The following AP3B2 variants were observed in gnomAD, a reference collection of about 807,000 sequenced individuals.
AP3B2 encodes adaptor related protein complex 3 subunit beta 2, also known as AP-3 complex subunit beta-2.
A neutral mutation model predicts 126.9 loss-of-function variants in AP3B2; 50 were observed. That is an observed-to-expected ratio of 0.39 (90% CI 0.31 to 0.50). The LOEUF is 0.50. AP3B2 is among the 20% of genes least tolerant of loss of function. The pLI, the probability that AP3B2 is intolerant of heterozygous loss-of-function variation, is 0.79. For synonymous variants in AP3B2, 541 were observed against 565.0 expected (o/e 0.96, Z 0.60); for missense variants, 1,177 against 1,426.4 (o/e 0.83, Z 2.82).
In AP3B2 at chr15:82,709,692, G is replaced by A; in HGVS notation, c.15C>T (p.Pro5=). Residue 5 remains proline, a synonymous_variant, in exon 1 of 27, where the codon CCC becomes CCT. Transcript: ENST00000535359. The part of the protein sequence containing the change: MSAA[P]AYSEDKGGSA... ...AGCCGCCCTTGTCTTCGCTGTAGGC[G>A]GGGGCGGCCGACATGGGGCGGCCAG... 2 of 1,494,620 alleles carry A rather than the reference G, an allele frequency of 1.3e-6. No individual in the cohort carries two copies. The highest frequency in any genetic ancestry group is 2.5e-5 in the South Asian group (2 of 80,086). 92.6% of individuals were successfully genotyped at this position (1,494,620 alleles called of 1,614,324 possible). A position where few individuals can be genotyped will look rare whatever the true frequency, so the allele number is the denominator to read the frequency against.
At chr15:82,690,858 G>A (rs1447034086) in intron 1 of AP3B2, among the ~76,000 whole-genome samples, 9 of 149,170 alleles carry the variant, frequency 6.0e-5, no homozygotes, top group South Asian at 2.1e-4. Flanking sequence ...GGGTTTCACC[G>A]TGTTAGCCAG....
Position 82,664,325 on chromosome 15 carries a change from C to A in AP3B2, c.2261+42G>T. 6.2e-7 allele frequency: 1 copy of A among 1,612,430 alleles called. No homozygotes were observed. The highest frequency in any genetic ancestry group is 1.1e-5 in the South Asian group (1 of 91,026). On this transcript the variant is annotated intron_variant, in intron 19 of 26. Transcript: ENST00000535359. This position sits in a 1 kb window ranked among gnomAD's most constrained non-coding sequence, Gnocchi z 4.5. ...AATGCTAGCCCTCTTTCCAGGAAAG[C>A]CCCCTGAACCCCACCAGCCATCTGG... is the stretch of plus-strand genomic sequence containing the variant.
intron 24 of AP3B2, 81 bp downstream of exon 24, chr15:82,662,087 C>CA: frequency 7.1e-7 from 1 of 1,410,402 alleles, no homozygotes; most frequent in Middle Eastern, 2.1e-4. Context: ...CCCCACTAAG[C>CA]ACCACCTCCA....
chr15:82,670,713 T>C (rs902161557), intron 14 of AP3B2, among the ~76,000 whole-genome samples: 1 of 152,038 alleles, frequency 6.6e-6, no homozygotes, highest in Non-Finnish European at 1.5e-5. Flanking sequence ...TGGGATCACA[T>C]CAAGTTACAA....
rs1555465021 is a variant in AP3B2, at chr15:82,665,433, A to ACACACACACACACACACACACACT, written c.1971+23_1971+24insAGTGTGTGTGTGTGTGTGTGTGTG. On this transcript the variant is annotated intron_variant, in intron 16 of 26. Transcript: ENST00000535359. The surrounding 1 kb of genome is among the most constrained non-coding windows in gnomAD (Gnocchi z 4.4). Reference sequence around the variant, plus strand: ...CACACACACACACACACACACACACACTTCAACCCTCCACCCCGCTGACCT... The same window carrying ACACACACACACACACACACACACT: ...CACACACACACACACACACACACACACACACACACACACACACACACACTCTTCAACCCTCCACCCCGCTGACCT... The ACACACACACACACACACACACACT allele has an allele frequency of 1.4e-6, 2 of 1,435,442 alleles. No homozygotes were observed. The highest frequency in any genetic ancestry group is 3.3e-5 in the African/African-American group (2 of 60,890). 88.9% of individuals were successfully genotyped at this position (1,435,442 alleles called of 1,614,324 possible).
In AP3B2 at chr15:82,665,296, T is replaced by G. The variant is rs553274497; in HGVS notation, c.1979A>C (p.Asp660Ala). ...DPSVRNVEEEDLSLIETHVGL... is the reference protein window; with the variant it reads ...DPSVRNVEEEALSLIETHVGL... ...CACGTGAGTCTCAATAAGGGAGAGA[T>G]CTTCTTCCTGTGTGTGTGGGGGAGG... Residue 660 changes from aspartate (D) to alanine (A), a missense_variant, in exon 17 of 27, where the codon GAT becomes GCT. Asp to Ala is a moderately radical substitution (Grantham distance 126, BLOSUM62 -2). Around this residue, in one of 5 missense-constraint regions of AP3B2, gnomAD observed 587 missense variants for 571.3 expected, o/e 1.03. Transcript: ENST00000535359. This position sits in a 1 kb window ranked among gnomAD's most constrained non-coding sequence, Gnocchi z 4.4. 103 of 1,558,918 alleles carry G rather than the reference T, an allele frequency of 6.6e-5. 1 individual carries two copies. Among genetic ancestry groups the G allele is most frequent in the African/African-American group, 4.9e-4 (36 of 73,454 alleles).
chr15:82,690,642 C>CTTTTTTTTTTT (rs147811093), intron 1 of AP3B2, among the ~76,000 whole-genome samples: 20 of 68,928 alleles, frequency 2.9e-4, no homozygotes, highest in East Asian at 4.9e-4. Context: ...TTTTCTTCTT[C>CTTTTTTTTTTT]TTTTTTTTTT....
chr15:82,694,914 G>C (rs2048608823), intron 1 of AP3B2, among the ~76,000 whole-genome samples: 3 of 152,140 alleles, frequency 2.0e-5, no homozygotes, highest in South Asian at 2.1e-4. Flanking sequence ...CTTGACAATA[G>C]GGATGCTAGG....
Position 82,664,556 on chromosome 15 carries a change from C to T in AP3B2, c.2138-66G>A. The T allele has an allele frequency of 6.4e-7, 1 of 1,553,050 alleles. No homozygotes were observed. The highest frequency in any genetic ancestry group is 8.7e-7 in the Non-Finnish European group (1 of 1,149,572). ...GCCTCCTTGGGTCTGGAGCAGACACCTGGGTTCCACCTTCACATTCAGTAC... is the reference window on the plus strand; with the variant it reads ...GCCTCCTTGGGTCTGGAGCAGACACTTGGGTTCCACCTTCACATTCAGTAC... On this transcript the variant is annotated intron_variant, in intron 18 of 26. Coordinates refer to ENST00000535359, the MANE Select transcript of AP3B2 (RefSeq NM_001278512.2). The surrounding 1 kb of genome is among the most constrained non-coding windows in gnomAD (Gnocchi z 4.5).
Position 82,664,270 on chromosome 15 carries a change from CAGGGG to C in AP3B2, c.2261+92_2261+96del, listed in dbSNP as rs1259896490. On this transcript the variant is annotated intron_variant, in intron 19 of 26. Transcript: ENST00000535359. This position sits in a 1 kb window ranked among gnomAD's most constrained non-coding sequence, Gnocchi z 4.5. ...AGCCCCACCCAGCTCACGAGGGGCT[CAGGGG>C]CTCTTAGGAGACTGGCTAAAGCTCA... The C allele has an allele frequency of 2.5e-6, 4 of 1,583,460 alleles. No homozygotes were observed. The highest frequency in any genetic ancestry group is 3.4e-6 in the Non-Finnish European group (4 of 1,165,170).
chr15:82,695,595 G>C (rs967248477), intron 1 of AP3B2, among the ~76,000 whole-genome samples: 1 of 152,130 alleles, frequency 6.6e-6, no homozygotes, highest in African/African-American at 2.4e-5. Flanking sequence ...GAGAGGGCAT[G>C]GGAGCTCTGC....
At chr15:82,697,155 C>T (rs560108136) in intron 1 of AP3B2, among the ~76,000 whole-genome samples, 20 of 152,192 alleles carry the variant, frequency 1.3e-4, no homozygotes, top group African/African-American at 4.8e-4. Flanking sequence ...CATGGTGAAA[C>T]CCCGTCTCTA....
At position 82,678,179 on chromosome 15, in the gene AP3B2, G is replaced by T; in HGVS notation, c.1183-12C>A. The stretch of plus-strand genomic sequence containing the variant: ...GTCAGCACTTCCAGCTGCAGGGAGG[G>T]TTGGAGAGGCAGAAAATGGGTGGGT... On this transcript the variant is annotated splice_polypyrimidine_tract_variant and intron_variant, in intron 10 of 26. Transcript: ENST00000535359. 6.2e-7 allele frequency: 1 copy of T among 1,613,680 alleles called. No individual in the cohort carries two copies.
chr15:82,693,382 G>C (rs965857288), intron 1 of AP3B2, among the ~76,000 whole-genome samples: 62 of 151,732 alleles, frequency 4.1e-4, no homozygotes, highest in African/African-American at 1.4e-3. Context: ...AAGTAGCTGG[G>C]ATTACAGGCA....
Position 82,670,115 on chromosome 15 carries a change from C to CG in AP3B2, c.1666-3183dup, listed in dbSNP as rs1363073908. On this transcript the variant is annotated intron_variant, in intron 14 of 26. Transcript: ENST00000535359. ...AAATCAGTGGCTTTTTTTTTTTTGG[C>CG]GGGGGGGGACGAAGATGAAGTCTCG... is the stretch of plus-strand genomic sequence containing the variant. 2.0e-3 allele frequency among the ~76,000 whole-genome samples: 110 copies of CG among 54,522 alleles called. 11 individuals are homozygous for CG. The highest frequency in any genetic ancestry group is 6.3e-3 in the African/African-American group (83 of 13,276). The allele number at this position is 54,522 out of a possible 152,430, so 35.8% of individuals were successfully genotyped here. A position where few individuals can be genotyped will look rare whatever the true frequency, so the allele number is the denominator to read the frequency against.
chr15:82,674,172 A>G (rs2048205134), intron 14 of AP3B2, among the ~76,000 whole-genome samples: 1 of 152,140 alleles, frequency 6.6e-6, no homozygotes, highest in African/African-American at 2.4e-5. Context: ...GGAGAGAATG[A>G]CTGAGATTAC....
chr15:82,674,211 C>G (rs1211522710), intron 14 of AP3B2, among the ~76,000 whole-genome samples: 1 of 152,170 alleles, frequency 6.6e-6, no homozygotes, highest in African/African-American at 2.4e-5. Context: ...CAGATTGCCA[C>G]TCATGGTCCC....
At position 82,704,344 on chromosome 15, in the gene AP3B2, G is replaced by A. The variant is rs369212570; in HGVS notation, c.113+5250C>T. ...CCCATAACAGGACTTAATTAACCTC[G>A]CCTTCAAGGTGTACAATAATAGAGT... is the stretch of plus-strand genomic sequence containing the variant. On this transcript the variant is annotated intron_variant, in intron 1 of 26. Coordinates refer to ENST00000535359, the MANE Select transcript of AP3B2 (RefSeq NM_001278512.2). 8.1e-4 allele frequency among the ~76,000 whole-genome samples: 122 copies of A among 151,380 alleles called. 1 individual carries two copies. The highest frequency in any genetic ancestry group is 4.0e-3 in the South Asian group (19 of 4,788).
At position 82,688,825 on chromosome 15, in the gene AP3B2, T is replaced by G; in HGVS notation, c.271A>C (p.Lys91Gln). The G allele has an allele frequency of 6.2e-7, 1 of 1,611,138 alleles. No homozygotes were observed. Among genetic ancestry groups the G allele is most frequent in the Non-Finnish European group, 8.5e-7 (1 of 1,178,688 alleles). ...NVACKNIEVK[K>Q]LVYVYLVRYA... ...CGTACCAGGTACACATAGACAAGCT[T>G]CTTCACCTTGGGGAGAGCACGTTTC... Residue 91 changes from lysine to glutamine, a missense_variant, in exon 4 of 27, where the codon AAG becomes CAG. This residue lies in a region of AP3B2 where 130 missense variants were observed against 262.0 expected (regional missense o/e 0.50). Coordinates refer to ENST00000535359, the MANE Select transcript of AP3B2 (RefSeq NM_001278512.2).
Sources: gnomAD v4.1 joint callset for allele counts (sites outside exome capture counted in the v4.1 genomes callset) on GRCh38, gnomAD v4.1.1 for gene constraint, gnomAD v4.1.1 regional missense constraint, Gnocchi (gnomAD v3.1) non-coding constraint, MANE v1.5 for transcripts, NCBI Gene and HGNC (gene_info 2026-07-23, HGNC 2026-07-21) for gene names.